The following UBAC2 variants were observed in gnomAD, a reference collection of about 807,000 sequenced individuals.
UBAC2 encodes ubiquitin-associated domain-containing protein 2.
In UBAC2, 26 loss-of-function variants were observed where a neutral mutation model predicts 44.0. The observed-to-expected ratio is 0.59, with a 90% CI of 0.43 to 0.82. The LOEUF is 0.82. Ranked by LOEUF, UBAC2 falls within the 40% of genes least tolerant of loss-of-function variation. UBAC2 has a pLI of 0.00. For missense variants in UBAC2, 329 were observed against 419.4 expected (o/e 0.78, Z 1.88); for synonymous variants, 155 against 154.3 (o/e 1.00, Z -0.04).
At chr13:99,223,190 TAAG>T (rs935147007) in intron 1 of UBAC2, among the ~76,000 whole-genome samples, 7 of 152,314 alleles carry the variant, frequency 4.6e-5, no homozygotes, top group African/African-American at 1.7e-4. Context: ...TTAGTAGTGA[TAAG>T]AAATACATAA....
chr13:99,278,575 C>G (rs1028337133), intron 4 of UBAC2, among the ~76,000 whole-genome samples: 2 of 152,002 alleles, frequency 1.3e-5, no homozygotes, highest in Admixed American at 6.6e-5. Context: ...GAAAAATGAT[C>G]AGTGTCTTTA....
chr13:99,259,754 A>AT (rs1466782498), intron 4 of UBAC2, among the ~76,000 whole-genome samples: 1 of 152,236 alleles, frequency 6.6e-6, no homozygotes, highest in Non-Finnish European at 1.5e-5. Context: ...CCTTTGCCTT[A>AT]TTCACATAGC....
intron 4 of UBAC2, among the ~76,000 whole-genome samples, chr13:99,288,998 A>G (rs1004472504): frequency 6.6e-6 from 1 of 152,230 alleles, no homozygotes; most frequent in African/African-American, 2.4e-5. Context: ...AGAATATTGC[A>G]CATGAAATAA....
chr13:99,256,203 C>T, intron 4 of UBAC2: 1 of 183,212 alleles, frequency 5.5e-6, no homozygotes. Context: ...AGATGATTCA[C>T]AGCAACTCTA....
At chr13:99,225,526 A>G (rs2043101540) in intron 1 of UBAC2, among the ~76,000 whole-genome samples, 1 of 152,150 alleles carries the variant, frequency 6.6e-6, no homozygotes, top group East Asian at 1.9e-4. Context: ...TTATATGTGT[A>G]TGCCACATTT....
chr13:99,363,441 C>A (rs540075713), intron 7 of UBAC2, among the ~76,000 whole-genome samples: 1 of 152,276 alleles, frequency 6.6e-6, no homozygotes, highest in South Asian at 2.1e-4. Context: ...ACAGATAACA[C>A]AACATAGCAG....
At chr13:99,373,436 T>G (rs187419137) in intron 8 of UBAC2, among the ~76,000 whole-genome samples, 24 of 152,330 alleles carry the variant, frequency 1.6e-4, no homozygotes, top group African/African-American at 5.8e-4. Flanking sequence ...TCTCTTCGAT[T>G]CATGTCTTTC....
intron 7 of UBAC2, 48 bp from the exon 8 acceptor site, chr13:99,367,739 G>C: frequency 3.1e-6 from 5 of 1,612,632 alleles, no homozygotes; most frequent in Non-Finnish European, 4.2e-6. Context: ...GCATTATGAT[G>C]ATTCTGCTCC....
At chr13:99,254,940 G>A (rs1233497261) in intron 4 of UBAC2, 2 of 1,614,022 alleles carry the variant, frequency 1.2e-6, no homozygotes, top group East Asian at 4.5e-5. Context: ...AACTTTTTCT[G>A]CGCATGCTTC....
intron 4 of UBAC2, chr13:99,261,692 C>A (rs1406470958): frequency 6.6e-6 from 1 of 152,294 alleles, no homozygotes; most frequent in Admixed American, 6.5e-5. Context: ...GTCCTGGAAC[C>A]ACTGAAGTCC....
At chr13:99,305,125 A>G (rs2044313234) in intron 4 of UBAC2, among the ~76,000 whole-genome samples, 1 of 152,180 alleles carries the variant, frequency 6.6e-6, no homozygotes, top group South Asian at 2.1e-4. Flanking sequence ...ATTTCGATTG[A>G]AAAAAGATGG....
At chr13:99,250,453 C>T (rs2043444004) in intron 4 of UBAC2, among the ~76,000 whole-genome samples, 1 of 152,104 alleles carries the variant, frequency 6.6e-6, no homozygotes, top group East Asian at 1.9e-4. Flanking sequence ...TGCTGTTTTG[C>T]TTACTGTAGC....
intron 4 of UBAC2, among the ~76,000 whole-genome samples, chr13:99,263,895 A>G (rs1005119515): frequency 6.6e-6 from 1 of 152,252 alleles, no homozygotes; most frequent in Non-Finnish European, 1.5e-5. Flanking sequence ...GAAGGAATTC[A>G]TATCATATGA....
At chr13:99,374,129 G>T (rs549311708) in intron 8 of UBAC2, among the ~76,000 whole-genome samples, 1 of 152,168 alleles carries the variant, frequency 6.6e-6, no homozygotes, top group African/African-American at 2.4e-5. Context: ...GTGAGCTCCC[G>T]CCAGGCAGTA....
At chr13:99,351,057 A>T (rs1456624355) in intron 7 of UBAC2, among the ~76,000 whole-genome samples, 1 of 152,232 alleles carries the variant, frequency 6.6e-6, no homozygotes, top group Admixed American at 6.5e-5. Flanking sequence ...TAATATAATG[A>T]AAAGAACAAG....
chr13:99,283,163 TTTAC>T (rs2043975271), intron 4 of UBAC2, among the ~76,000 whole-genome samples: 2 of 152,230 alleles, frequency 1.3e-5, no homozygotes, highest in South Asian at 4.1e-4. Flanking sequence ...AATTATTTTG[TTTAC>T]TTACTTAATG....
intron 4 of UBAC2, among the ~76,000 whole-genome samples, chr13:99,272,146 T>A (rs990204521): frequency 6.6e-6 from 1 of 152,208 alleles, no homozygotes; most frequent in Non-Finnish European, 1.5e-5. Flanking sequence ...GTCACCTCTT[T>A]TAGCTCTACT....
In UBAC2 at chr13:99,340,442, C is replaced by G. The variant is rs1471738696; in HGVS notation, c.684C>G (p.Thr228=). The change falls in exon 7 of 9, where the codon ACC becomes ACG. Residue 228 remains threonine, a synonymous_variant. Coordinates refer to ENST00000403766, the MANE Select transcript of UBAC2 (RefSeq NM_001144072.2). ...CCATCTTCTCTTCTTCAGAACCCACCAGCGAAGCCAGAATTGGGATGGGAG... is the reference window on the plus strand; with the variant it reads ...CCATCTTCTCTTCTTCAGAACCCACGAGCGAAGCCAGAATTGGGATGGGAG... ...LEPIFSSSEP[T]SEARIGMGAT... is the part of the protein sequence containing the mutation. The G allele has an allele frequency of 1.2e-6, 2 of 1,614,216 alleles. No individual in the cohort carries two copies. Among genetic ancestry groups the G allele is most frequent in the Admixed American group, 3.3e-5 (2 of 60,020 alleles).
At chr13:99,336,722 AC>A (rs1283893736) in intron 6 of UBAC2, among the ~76,000 whole-genome samples, 8 of 152,166 alleles carry the variant, frequency 5.3e-5, no homozygotes, top group African/African-American at 1.7e-4. Flanking sequence ...GATAGGACTT[AC>A]GTTTCTTTAA....
Sources: allele counts gnomAD v4.1 joint callset (sites outside exome capture counted in the v4.1 genomes callset), GRCh38; gene constraint gnomAD v4.1.1; transcripts MANE v1.5; gene names NCBI Gene and HGNC (gene_info 2026-07-23, HGNC 2026-07-21).